CCDC171: variants seen among roughly 807,000 people sequenced by gnomAD.
The protein encoded by CCDC171 is coiled-coil domain containing 171.
In CCDC171, 177 loss-of-function variants were observed where a neutral mutation model predicts 168.2. That is an observed-to-expected ratio of 1.05 (90% confidence interval 0.93 to 1.19). CCDC171 has a LOEUF of 1.19. Among genes scored for constraint, CCDC171 ranks in the 50% most tolerant of loss-of-function variants. CCDC171 has a pLI of 0.00. For missense variants in CCDC171, 1,991 were observed against 1,539.0 expected, an observed-to-expected ratio of 1.29 and a Z score of -4.91; for synonymous variants, 687 against 540.8, an observed-to-expected ratio of 1.27 and a Z score of -3.75.
chr9:15,870,456 T>G (rs988761861), intron 23 of CCDC171, among the ~76,000 whole-genome samples: 4 of 151,884 alleles, frequency 2.6e-5, no homozygotes, highest in African/African-American at 9.7e-5. Context: ...CATAATAGAT[T>G]GGAGTAAATA....
chr9:15,662,987 AACAAC>A (rs916046520), intron 8 of CCDC171, among the ~76,000 whole-genome samples: 2 of 126,592 alleles, frequency 1.6e-5, no homozygotes, highest in Non-Finnish European at 3.6e-5. Context: ...TCTCAACAAC[AACAAC>A]AACAACAACA....
intron 3 of CCDC171, among the ~76,000 whole-genome samples, chr9:15,995,558 G>C (rs531181243): frequency 6.6e-6 from 1 of 152,166 alleles, no homozygotes; most frequent in Non-Finnish European, 1.5e-5. Context: ...TTCTGTAGGA[G>C]CTGTCATCAG....
chr9:15,852,781 AT>A (rs61235336), intron 23 of CCDC171, among the ~76,000 whole-genome samples: 131,525 of 151,378 alleles, frequency 0.87, 57,210 homozygotes, highest in East Asian at 0.99. Flanking sequence ...GCCCAACTTC[AT>A]TTTTTTTATA....
intron 6 of CCDC171, among the ~76,000 whole-genome samples, chr9:16,030,057 G>A (rs1006188549): frequency 8.5e-5 from 13 of 152,132 alleles, no homozygotes; most frequent in African/African-American, 2.9e-4. Context: ...AGGGCAAGGC[G>A]GCTCTCTGGG....
chr9:15,989,010 T>C (rs1832094149), intron 3 of CCDC171, among the ~76,000 whole-genome samples: 2 of 152,174 alleles, frequency 1.3e-5, no homozygotes, highest in Admixed American at 6.5e-5. Flanking sequence ...GGGCAGGGCA[T>C]AGATGAACAA....
intron 21 of CCDC171, among the ~76,000 whole-genome samples, chr9:15,842,667 C>G (rs1237973747): frequency 1.3e-5 from 2 of 151,564 alleles, no homozygotes; most frequent in Admixed American, 1.3e-4. Flanking sequence ...GAATTGTACA[C>G]CTTAAAAGAG....
intron 24 of CCDC171, chr9:15,886,158 A>T (rs1455201399): frequency 6.6e-6 from 1 of 152,192 alleles, no homozygotes; most frequent in Non-Finnish European, 1.5e-5. Context: ...GAAAGACCTA[A>T]TGCCATAAAA....
intron 25 of CCDC171, among the ~76,000 whole-genome samples, chr9:15,935,619 C>T (rs966070397): frequency 1.3e-5 from 2 of 151,814 alleles, no homozygotes; most frequent in African/African-American, 4.8e-5. Flanking sequence ...AAATGTATAC[C>T]AGTTATGTGA....
At position 15,623,475 on chromosome 9, in the gene CCDC171, G is replaced by GCGCCCACACACACA; in HGVS notation, c.822+63_822+64insGCCCACACACACAC. The GCGCCCACACACACA allele has an allele frequency of 9.6e-6, 3 of 311,464 alleles. 1 individual carries two copies. Among genetic ancestry groups the GCGCCCACACACACA allele is most frequent in the Non-Finnish European group, 1.8e-5 (3 of 170,854 alleles). 19.3% of individuals were successfully genotyped at this position (311,464 alleles called of 1,614,324 possible). On this transcript the variant is annotated intron_variant, in intron 7 of 25. Coordinates refer to ENST00000380701, the MANE Select transcript of CCDC171 (RefSeq NM_173550.4). ...CAAACTTTCACATATGCGCGCGCGC[G>GCGCCCACACACACA]CACACACACACACACACACACACAC...
intron 6 of CCDC171, among the ~76,000 whole-genome samples, chr9:15,598,578 C>T (rs564847632): frequency 6.6e-6 from 1 of 152,144 alleles, no homozygotes; most frequent in Admixed American, 6.5e-5. Context: ...ACTATGTGGT[C>T]AATTTTGGAA....
intron 1 of CCDC171, among the ~76,000 whole-genome samples, chr9:16,054,942 T>G (rs1833812529): frequency 6.6e-6 from 1 of 152,176 alleles, no homozygotes; most frequent in Admixed American, 6.5e-5. Flanking sequence ...TGGTGAGAAC[T>G]TAACGTGGAG....
intron 4 of CCDC171, among the ~76,000 whole-genome samples, chr9:15,583,437 A>G (rs1207232458): frequency 6.6e-6 from 1 of 151,352 alleles, no homozygotes; most frequent in East Asian, 1.9e-4. Flanking sequence ...AAAATGTGCT[A>G]TATATACAGC....
upstream of CCDC171, among the ~76,000 whole-genome samples, chr9:16,042,224 A>G (rs764934686): frequency 1.2e-4 from 19 of 152,220 alleles, no homozygotes; most frequent in Non-Finnish European, 1.5e-4. Flanking sequence ...CATATAGTCA[A>G]GGAGGCAACC....
At chr9:15,755,379 A>G (rs1459033517) in intron 18 of CCDC171, among the ~76,000 whole-genome samples, 1 of 152,218 alleles carries the variant, frequency 6.6e-6, no homozygotes, top group Non-Finnish European at 1.5e-5. Context: ...TTCATTAAAA[A>G]GTTAAGCATA....
intron 16 of CCDC171, among the ~76,000 whole-genome samples, chr9:15,742,730 T>C (rs1289735255): frequency 6.6e-6 from 1 of 152,236 alleles, no homozygotes; most frequent in African/African-American, 2.4e-5. Context: ...ATCTCTATCA[T>C]AGCATTATAC....
At chr9:15,680,992 A>T (rs1203745895) in intron 10 of CCDC171, among the ~76,000 whole-genome samples, 1 of 152,158 alleles carries the variant, frequency 6.6e-6, no homozygotes, top group Non-Finnish European at 1.5e-5. Flanking sequence ...AGACTGGTTT[A>T]ACTCACCACA....
chr9:16,001,790 A>C (rs1832553359), intron 3 of CCDC171, among the ~76,000 whole-genome samples: 2 of 152,028 alleles, frequency 1.3e-5, no homozygotes, highest in South Asian at 4.1e-4. Context: ...TATACTACAT[A>C]ATACTTGGTA....
chr9:15,739,686 G>T (rs60572069), intron 16 of CCDC171, among the ~76,000 whole-genome samples: 7,052 of 151,942 alleles, frequency 0.046, 353 homozygotes, highest in South Asian at 0.12. Flanking sequence ...TGAGATTTGG[G>T]TTCTAGTAGG....
At chr9:15,802,247 T>G (rs1344478709) in intron 21 of CCDC171, among the ~76,000 whole-genome samples, 2 of 151,688 alleles carry the variant, frequency 1.3e-5, no homozygotes, top group Non-Finnish European at 2.9e-5. Flanking sequence ...TAAAATTTAA[T>G]TAATTATTTT....
Sources: gnomAD v4.1 joint callset for allele counts (sites outside exome capture counted in the v4.1 genomes callset) on GRCh38, gnomAD v4.1.1 for gene constraint, MANE v1.5 for transcripts, NCBI Gene and HGNC (gene_info 2026-07-23, HGNC 2026-07-21) for gene names.